AKAP6: variants seen among roughly 807,000 people sequenced by gnomAD.
AKAP6 encodes the protein A-kinase anchoring protein 6.
In AKAP6, 58 loss-of-function variants were observed where a neutral mutation model predicts 188.5. The observed-to-expected ratio is 0.31, with a 90% CI of 0.25 to 0.38. The LOEUF (loss-of-function observed/expected upper bound fraction) is 0.38, where lower values mean the gene tolerates loss of function less well. AKAP6 is among the 10% of genes least tolerant of loss of function. The pLI is 1.00. For synonymous variants in AKAP6, 989 were observed against 998.6 expected (o/e 0.99, Z 0.18); for missense variants, 2,710 against 2,740.0 (o/e 0.99, Z 0.24).
chr14:32,775,366 T>C (rs1040001639), intron 12 of AKAP6, among the ~76,000 whole-genome samples: 2 of 152,088 alleles, frequency 1.3e-5, no homozygotes, highest in African/African-American at 4.8e-5. Flanking sequence ...TTTGAGGATT[T>C]ATTTGAAATC....
At chr14:32,335,841 CCT>C (rs1886674718) in intron 1 of AKAP6, among the ~76,000 whole-genome samples, 1 of 83,540 alleles carries the variant, frequency 1.2e-5, no homozygotes, top group Non-Finnish European at 2.3e-5. Flanking sequence ...ATCCTTTTCT[CCT>C]TTTTTTTTTT....
intron 1 of AKAP6, among the ~76,000 whole-genome samples, chr14:32,395,993 G>C (rs1473152557): frequency 6.6e-6 from 1 of 152,074 alleles, no homozygotes; most frequent in Non-Finnish European, 1.5e-5. Context: ...TATGGAAATA[G>C]TTCTAGGATA....
chr14:32,519,495 G>A (rs1881705374), intron 2 of AKAP6, among the ~76,000 whole-genome samples: 1 of 152,074 alleles, frequency 6.6e-6, no homozygotes, highest in Non-Finnish European at 1.5e-5. Context: ...AAGGGATGGA[G>A]GAAGACCTAC....
intron 7 of AKAP6, among the ~76,000 whole-genome samples, chr14:32,636,500 T>G (rs1246811584): frequency 6.6e-6 from 1 of 151,966 alleles, no homozygotes; most frequent in African/African-American, 2.4e-5. Context: ...GGTTCAAAGA[T>G]GGGAAAGTTC....
intron 4 of AKAP6, among the ~76,000 whole-genome samples, chr14:32,564,264 G>A (rs918534608): frequency 6.6e-6 from 1 of 152,014 alleles, no homozygotes. Context: ...TTGAATTTAC[G>A]GATGTAGAAC....
intron 12 of AKAP6, among the ~76,000 whole-genome samples, chr14:32,813,587 A>C (rs534444306): frequency 6.6e-6 from 1 of 152,298 alleles, no homozygotes; most frequent in East Asian, 1.9e-4. Context: ...ATCGCTTAGG[A>C]AATTCCGAGG....
intron 7 of AKAP6, among the ~76,000 whole-genome samples, chr14:32,623,008 G>A (rs80344593): frequency 0.097 from 14,802 of 151,954 alleles, 1,352 homozygotes; most frequent in East Asian, 0.52. Flanking sequence ...GTAGTGGTAG[G>A]GTGTGTGAAA....
At chr14:32,726,289 C>A (rs1003824706) in intron 9 of AKAP6, 6 of 865,858 alleles carry the variant, frequency 6.9e-6, no homozygotes, top group Non-Finnish European at 8.3e-6. Context: ...TTACAGTTTG[C>A]TCAACATGAA....
intron 5 of AKAP6, among the ~76,000 whole-genome samples, chr14:32,583,170 G>T (rs1460582471): frequency 6.6e-6 from 1 of 152,146 alleles, no homozygotes; most frequent in African/African-American, 2.4e-5. Context: ...GGTTTTTGGT[G>T]TAGGTGTCCT....
intron 2 of AKAP6, among the ~76,000 whole-genome samples, chr14:32,512,680 G>A (rs943093236): frequency 1.3e-5 from 2 of 152,178 alleles, no homozygotes; most frequent in Non-Finnish European, 2.9e-5. Context: ...ATTGGAATTC[G>A]ATAACTTTAG....
Position 32,588,458 on chromosome 14 carries a change from T to C in AKAP6, c.2470-10952T>C, listed in dbSNP as rs532305424. Among the ~76,000 whole-genome samples, 10 of 152,348 alleles carry C rather than the reference T, an allele frequency of 6.6e-5. No homozygotes were observed. The South Asian group carries it at 2.1e-3, about 32-fold the overall frequency. On this transcript the variant is annotated intron_variant, in intron 5 of 13. Transcript: ENST00000280979. ...ATTTGTGTCTGCCTAGAGCAGCAAT[T>C]CAGAGACTCTCTGTAATCAATCTGT... is the stretch of plus-strand genomic sequence containing the variant.
At chr14:32,689,310 T>C (rs1024716592) in intron 8 of AKAP6, among the ~76,000 whole-genome samples, 8 of 152,186 alleles carry the variant, frequency 5.3e-5, no homozygotes, top group African/African-American at 1.9e-4. Flanking sequence ...GAATTTTTAA[T>C]GGATTATCTT....
At chr14:32,397,377 C>CTTT (rs60314050) in intron 1 of AKAP6, among the ~76,000 whole-genome samples, 3 of 130,332 alleles carry the variant, frequency 2.3e-5, no homozygotes, top group Non-Finnish European at 4.9e-5. Context: ...TTTTTATTGT[C>CTTT]TTTTTTTTTT....
Position 32,773,882 on chromosome 14 carries a change from G to A in AKAP6, c.3577G>A (p.Gly1193Arg). The change falls in exon 12 of 14, where the codon GGA becomes AGA. Residue 1193 changes from glycine to arginine, a missense_variant. Transcript: ENST00000280979. The part of the protein sequence containing the change: ...QWQTRLQKKM[G>R]KESETLNVID... Reference sequence around the variant, plus strand: ...GCAAACACGTCTACAAAAGAAGATGGGAAAGGAATCTGTGAGTGATGCTTT... The same window carrying A: ...GCAAACACGTCTACAAAAGAAGATGAGAAAGGAATCTGTGAGTGATGCTTT... The A allele has an allele frequency of 6.2e-7, 1 of 1,613,902 alleles. No homozygotes were observed. Among genetic ancestry groups the A allele is most frequent in the Non-Finnish European group, 8.5e-7 (1 of 1,179,854 alleles).
At chr14:32,378,080 T>C (rs1464876968) in intron 1 of AKAP6, among the ~76,000 whole-genome samples, 1 of 152,166 alleles carries the variant, frequency 6.6e-6, no homozygotes, top group Non-Finnish European at 1.5e-5. Flanking sequence ...AAGAACATTA[T>C]GCTCTAAAGA....
In AKAP6 at chr14:32,821,778, A is replaced by G. The variant is rs751933094; in HGVS notation, c.3965A>G (p.Lys1322Arg). The G allele has an allele frequency of 6.2e-7, 1 of 1,613,746 alleles. No homozygotes were observed. Among genetic ancestry groups the G allele is most frequent in the African/African-American group, 1.3e-5 (1 of 74,886 alleles). The change falls in exon 13 of 14, where the codon AAG (lysine) becomes AGG (arginine). Residue 1322 changes from lysine to arginine, a missense_variant. Around this residue, in one of 2 missense-constraint regions of AKAP6, gnomAD observed 2,473 missense variants for 2,426.1 expected, o/e 1.02. Transcript: ENST00000280979. The part of the protein sequence containing the change: ...TGMTQPNVLT[K>R]SLSKDSSFSS... ...ATGACACAGCCTAATGTTTTAACTA[A>G]GAGTCTCAGTAAAGACTCTTCATTT...
intron 7 of AKAP6, among the ~76,000 whole-genome samples, chr14:32,620,050 G>C (rs1245982255): frequency 6.6e-6 from 1 of 152,084 alleles, no homozygotes; most frequent in Non-Finnish European, 1.5e-5. Context: ...AGACTTTACT[G>C]AATTCATTTA....
intron 11 of AKAP6, among the ~76,000 whole-genome samples, chr14:32,745,781 G>T (rs1366422784): frequency 2.0e-5 from 3 of 152,286 alleles, no homozygotes; most frequent in East Asian, 1.9e-4. Context: ...GGCCCCTGTT[G>T]GGTCCAAGAG....
At chr14:32,504,164 G>C (rs1190107068) in intron 2 of AKAP6, among the ~76,000 whole-genome samples, 1 of 151,774 alleles carries the variant, frequency 6.6e-6, no homozygotes, top group African/African-American at 2.4e-5. Context: ...TTTATTCTAA[G>C]GTATTTTATC....
Sources: gnomAD v4.1 joint callset for allele counts (sites outside exome capture counted in the v4.1 genomes callset) on GRCh38, gnomAD v4.1.1 for gene constraint, gnomAD v4.1.1 regional missense constraint, MANE v1.5 for transcripts, NCBI Gene and HGNC (gene_info 2026-07-23, HGNC 2026-07-21) for gene names.